Variants in GNAQ observed in about 807,000 individuals in gnomAD.
The protein encoded by GNAQ is G protein subunit alpha q.
Under a neutral mutation model 43.9 loss-of-function variants are expected in GNAQ, and 8 were observed. The observed-to-expected ratio is 0.18, with a 90% CI of 0.11 to 0.33. The LOEUF is 0.33. Among genes scored for constraint, GNAQ ranks in the 10% least tolerant of loss-of-function variants. The probability of loss-of-function intolerance (pLI) is 1.00; values close to 1 mark genes in which losing one functional copy is unlikely to be tolerated. For synonymous variants in GNAQ, 155 were observed against 170.7 expected, an observed-to-expected ratio of 0.91 and a Z score of 0.71; for missense variants, 158 against 450.8, an observed-to-expected ratio of 0.35 and a Z score of 5.88.
In GNAQ at chr9:77,979,005, A is replaced by C. The variant is rs148116259; in HGVS notation, c.136+52095T>G. On this transcript the variant is annotated intron_variant, in intron 1 of 6. Coordinates refer to ENST00000286548, the MANE Select transcript of GNAQ (RefSeq NM_002072.5). The stretch of plus-strand genomic sequence containing the variant: ...TGGGAGGCAGAGGTTGCCTCTGCCT[A>C]GATTGTGCCACTGTACTCCAGCCTG... 1.9e-3 allele frequency among the ~76,000 whole-genome samples: 283 copies of C among 152,292 alleles called. 2 individuals are homozygous for C. Among genetic ancestry groups the C allele is most frequent in the African/African-American group, 6.4e-3 (264 of 41,566 alleles).
chr9:77,895,441 G>A (rs1828483874), intron 2 of GNAQ, among the ~76,000 whole-genome samples: 1 of 152,118 alleles, frequency 6.6e-6, no homozygotes. Context: ...TGCAGTGTTA[G>A]GCACTGTACT....
At chr9:77,861,941 G>A (rs144683959) in intron 2 of GNAQ, among the ~76,000 whole-genome samples, 2,358 of 151,418 alleles carry the variant, frequency 0.016, 55 homozygotes, top group African/African-American at 0.054. Flanking sequence ...GGAGGCGGAG[G>A]TTGCGGTGAG....
In GNAQ at chr9:77,734,864, C is replaced by T. The variant is rs1825553154; in HGVS notation, c.736-6197G>A. Reference sequence around the variant, plus strand: ...GAATACATGAGCATGTCTATAAAGTCGACTGCTCAGTAAAAGGGGAAAACA... The same window carrying T: ...GAATACATGAGCATGTCTATAAAGTTGACTGCTCAGTAAAAGGGGAAAACA... On this transcript the variant is annotated intron_variant, in intron 5 of 6. Transcript: ENST00000286548. Among the ~76,000 whole-genome samples, 3 of 152,148 alleles carry T rather than the reference C, an allele frequency of 2.0e-5. No individual in the cohort carries two copies. In the South Asian group the frequency reaches 6.2e-4, roughly 32 times the overall value.
Position 77,721,416 on chromosome 9 carries a change from C to T in GNAQ, c.987G>A (p.Thr329=), listed in dbSNP as rs1059525. ...GGATATTCTCGGTGTCTGTGGCGCA[C>T]GTGAAGTGGGAGTAGATAATTTTGT... is the stretch of plus-strand genomic sequence containing the variant. The part of the protein sequence containing the change: ...DSDKIIYSHF[T]CATDTENIRF... The change falls in exon 7 of 7, where the codon ACG becomes ACA. Residue 329 remains threonine, a synonymous_variant. Coordinates refer to ENST00000286548, the MANE Select transcript of GNAQ (RefSeq NM_002072.5). The T allele has an allele frequency of 8.1e-6, 13 of 1,612,374 alleles. No individual in the cohort carries two copies. In the Admixed American group the frequency reaches 8.4e-5, roughly 10 times the overall value.
At position 77,728,521 on chromosome 9, in the gene GNAQ, T is replaced by C; in HGVS notation, c.882A>G (p.Glu294=). Residue 294 remains glutamate (E), a synonymous_variant, in exon 6 of 7, where the codon GAA becomes GAG. Transcript: ENST00000286548. ...GTATGAGTGCTGACTTACCATCATA[T>C]TCTGGGAAGTAGTCGACTAGATGGG... The part of the protein sequence containing the change: ...MYSHLVDYFP[E]YDGPQRDAQA... The C allele has an allele frequency of 6.2e-7, 1 of 1,603,760 alleles. No individual in the cohort carries two copies. The highest frequency in any genetic ancestry group is 2.2e-5 in the East Asian group (1 of 44,826).
At chr9:77,860,073 C>G (rs942375395) in intron 2 of GNAQ, among the ~76,000 whole-genome samples, 4 of 152,154 alleles carry the variant, frequency 2.6e-5, no homozygotes, top group African/African-American at 9.7e-5. Flanking sequence ...CGTCTAACGT[C>G]TCCATTTAAT....
At chr9:77,941,441 G>A (rs1246350106) in intron 1 of GNAQ, among the ~76,000 whole-genome samples, 2 of 152,046 alleles carry the variant, frequency 1.3e-5, no homozygotes, top group Non-Finnish European at 2.9e-5. Flanking sequence ...AGTAGAGACG[G>A]GGTTTCACCA....
intron 1 of GNAQ, among the ~76,000 whole-genome samples, chr9:77,922,882 C>T (rs550270196): frequency 3.9e-5 from 6 of 152,184 alleles, no homozygotes; most frequent in East Asian, 3.9e-4. Context: ...CAGGCTGGAA[C>T]GCAGTGGTGT....
At chr9:77,980,977 A>G (rs948706584) in intron 1 of GNAQ, among the ~76,000 whole-genome samples, 3 of 152,212 alleles carry the variant, frequency 2.0e-5, no homozygotes, top group African/African-American at 7.2e-5. Context: ...TCAGTGATTT[A>G]AACCTACAAT....
At chr9:77,966,340 CTG>C (rs1587435567) in intron 1 of GNAQ, among the ~76,000 whole-genome samples, 3 of 152,146 alleles carry the variant, frequency 2.0e-5, no homozygotes, top group Non-Finnish European at 1.5e-5. Flanking sequence ...CGCAAAAAAA[CTG>C]TTATTACAAA....
At chr9:77,751,788 C>CA (rs1186594272) in intron 5 of GNAQ, among the ~76,000 whole-genome samples, 1 of 150,548 alleles carries the variant, frequency 6.6e-6, no homozygotes, top group Non-Finnish European at 1.5e-5. Flanking sequence ...GACAGACCTC[C>CA]AAAAAACAAA....
intron 1 of GNAQ, 66 bp from the exon 2 acceptor site, chr9:77,922,411 C>A: frequency 4.5e-6 from 5 of 1,106,888 alleles, no homozygotes; most frequent in East Asian, 2.4e-5. Flanking sequence ...ATAACTAAAC[C>A]AAATACCATG....
At chr9:77,854,673 T>C (rs1322807398) in intron 2 of GNAQ, among the ~76,000 whole-genome samples, 1 of 152,242 alleles carries the variant, frequency 6.6e-6, no homozygotes, top group East Asian at 1.9e-4. Context: ...AAGGCAAGCT[T>C]ATTTCCTCTC....
chr9:77,846,986 C>T (rs1367473090), intron 2 of GNAQ, among the ~76,000 whole-genome samples: 1 of 152,124 alleles, frequency 6.6e-6, no homozygotes, highest in African/African-American at 2.4e-5. Flanking sequence ...AATGACCTAC[C>T]CTGTCCTGAA....
intron 2 of GNAQ, among the ~76,000 whole-genome samples, chr9:77,822,688 T>A (rs1249373008): frequency 6.7e-6 from 1 of 149,940 alleles, no homozygotes; most frequent in African/African-American, 2.5e-5. Flanking sequence ...GGGAATATCA[T>A]CTTTCTGGAA....
intron 6 of GNAQ, among the ~76,000 whole-genome samples, chr9:77,723,362 T>C (rs1016582690): frequency 6.6e-6 from 1 of 152,194 alleles, no homozygotes; most frequent in Non-Finnish European, 1.5e-5. Context: ...AGAATAACCA[T>C]ATGACCGACC....
At position 77,768,157 on chromosome 9, in the gene GNAQ, G is replaced by A. The variant is rs372120541; in HGVS notation, c.735+26306C>T. Among the ~76,000 whole-genome samples the A allele has an allele frequency of 4.6e-5, 7 of 152,144 alleles. No individual in the cohort carries two copies. In the South Asian group the frequency reaches 1.5e-3, roughly 32 times the overall value. ...AACAGCTAGACAGTGGCAGGTCTGG[G>A]ATTTGAATCCACGCAGTCTGGCTAT... On this transcript the variant is annotated intron_variant, in intron 5 of 6. Transcript: ENST00000286548.
chr9:77,882,085 C>G (rs1476974680), intron 2 of GNAQ, among the ~76,000 whole-genome samples: 1 of 152,114 alleles, frequency 6.6e-6, no homozygotes, highest in Admixed American at 6.6e-5. Context: ...TTGCAGTGAG[C>G]TGAGATCGAG....
chr9:78,001,096 T>C (rs1372321421), intron 1 of GNAQ, among the ~76,000 whole-genome samples: 1 of 152,012 alleles, frequency 6.6e-6, no homozygotes, highest in African/African-American at 2.4e-5. Context: ...GGGCCTTGGG[T>C]TTTGGTAAGA....
Sources: allele counts gnomAD v4.1 joint callset (sites outside exome capture counted in the v4.1 genomes callset), GRCh38; gene constraint gnomAD v4.1.1; transcripts MANE v1.5; gene names NCBI Gene and HGNC (gene_info 2026-07-23, HGNC 2026-07-21).